Variants in NDUFA6 observed in about 807,000 individuals in gnomAD.
NDUFA6 encodes the protein NADH dehydrogenase [ubiquinone] 1 alpha subcomplex subunit 6.
NDUFA6 carries 10 observed loss-of-function variants against 12.5 expected under a neutral mutation model. That is an observed-to-expected ratio of 0.80 (90% confidence interval 0.49 to 1.35). The LOEUF is 1.35. NDUFA6 is among the 40% of genes most tolerant of loss of function. The pLI, the probability that NDUFA6 is intolerant of heterozygous loss-of-function variation, is 0.00. For synonymous variants in NDUFA6, 66 were observed against 63.0 expected, an observed-to-expected ratio of 1.05 and a Z score of -0.23; for missense variants, 177 against 173.5, an observed-to-expected ratio of 1.02 and a Z score of -0.11.
At chr22:42,086,945 A>G in intron 2 of NDUFA6, 115 bp downstream of exon 2, 1 of 790,810 alleles carries the variant, frequency 1.3e-6, no homozygotes, top group Non-Finnish European at 2.3e-6. Flanking sequence ...AGCAATAATC[A>G]CTGCCGAACC....
intron 1 of NDUFA6, 69 bp from the exon 2 acceptor site, chr22:42,087,244 C>A: frequency 8.8e-7 from 1 of 1,139,670 alleles, no homozygotes; most frequent in South Asian, 1.2e-5. Context: ...AAATGATACT[C>A]ATTGAACACA....
In NDUFA6 at chr22:42,086,272, G is replaced by A. The variant is rs1395973258; in HGVS notation, c.298C>T (p.Arg100Trp). The A allele has an allele frequency of 8.1e-6, 13 of 1,614,052 alleles. No homozygotes were observed. Among genetic ancestry groups the A allele is most frequent in the African/African-American group, 5.3e-5 (4 of 74,938 alleles). ...TGGAAGAACCGCATAACATGTGTCCGCTGCTTCCATACTTTAATTGTTTCT... is the reference window on the plus strand; with the variant it reads ...TGGAAGAACCGCATAACATGTGTCCACTGCTTCCATACTTTAATTGTTTCT... ...LEETIKVWKQ[R>W]THVMRFFHET... Residue 100 changes from arginine to tryptophan, a missense_variant, in exon 3 of 3, where the codon CGG (arginine) becomes TGG (tryptophan). Arg to Trp is a moderately radical substitution (Grantham distance 101, BLOSUM62 -3). Transcript: ENST00000498737.
Position 42,086,873 on chromosome 22 carries a change from T to C in NDUFA6, c.255+187A>G, listed in dbSNP as rs71329127. Among the ~76,000 whole-genome samples, 1,017 of 152,358 alleles carry C rather than the reference T, an allele frequency of 6.7e-3. 5 individuals carry two copies. Among genetic ancestry groups the C allele is most frequent in the Non-Finnish European group, 0.011 (750 of 68,036 alleles). On this transcript the variant is annotated intron_variant, in intron 2 of 2. Transcript: ENST00000498737. ...ATGCAAGTCCCAGTGGATGTTCCCT[T>C]GATGAATCTTATCTATTTAACCAGA...
intron 1 of NDUFA6, among the ~76,000 whole-genome samples, 171 bp downstream of exon 1, chr22:42,090,435 G>A (rs1928567431): frequency 6.6e-6 from 1 of 152,246 alleles, no homozygotes; most frequent in Non-Finnish European, 1.5e-5. Flanking sequence ...CCACCGCGCC[G>A]CCGCCAGGTC....
At chr22:42,089,828 T>G (rs1324565259) in intron 1 of NDUFA6, 1 of 152,232 alleles carries the variant, frequency 6.6e-6, no homozygotes, top group Admixed American at 6.6e-5. Flanking sequence ...AAGTCCGTGC[T>G]CCTAACCACC....
Position 42,086,332 on chromosome 22 carries a change from A to G in NDUFA6, c.256-18T>C, listed in dbSNP as rs774686540. 1.9e-6 allele frequency: 3 copies of G among 1,614,118 alleles called. No individual in the cohort carries two copies. The Admixed American group carries it at 5.0e-5, about 27-fold the overall frequency. ...ATCTTTCCCTGAACAGTGAGGAGAGAGGTCATCAGTCAAAGTTGTCAAGTT... is the reference window on the plus strand; with the variant it reads ...ATCTTTCCCTGAACAGTGAGGAGAGGGGTCATCAGTCAAAGTTGTCAAGTT... On this transcript the variant is annotated intron_variant, in intron 2 of 2. Transcript: ENST00000498737.
At chr22:42,088,915 T>C (rs533396527) in intron 1 of NDUFA6, among the ~76,000 whole-genome samples, 54 of 152,184 alleles carry the variant, frequency 3.5e-4, no homozygotes, top group African/African-American at 1.3e-3. Context: ...TGGCACAGGT[T>C]TGAGTAACTG....
rs1347327013 is a variant in NDUFA6, at chr22:42,085,933, C to T, written c.*250G>A. Reference sequence around the variant, plus strand: ...AATGTCACAATTTTTGAACAGATGGCCTCCTTCCTTCCTGTTTACTGACAT... The same window carrying T: ...AATGTCACAATTTTTGAACAGATGGTCTCCTTCCTTCCTGTTTACTGACAT... On this transcript the variant is annotated 3_prime_UTR_variant, in exon 3 of 3. Coordinates refer to ENST00000498737, the MANE Select transcript of NDUFA6 (RefSeq NM_002490.6). 4 of 583,174 alleles carry T rather than the reference C, an allele frequency of 6.9e-6. No individual in the cohort carries two copies. Among genetic ancestry groups the T allele is most frequent in the Non-Finnish European group, 9.1e-6 (3 of 329,136 alleles). The allele number at this position is 583,174 out of a possible 1,614,324, so 36.1% of individuals were successfully genotyped here.
chr22:42,090,741 C>T lies in NDUFA6; in HGVS notation c.4G>A (p.Ala2Thr). The change falls in exon 1 of 3, where the codon GCG becomes ACG. Residue 2 changes from alanine to threonine, a missense_variant. Physicochemically the swap from Ala to Thr is moderately conservative, Grantham distance 58. Transcript: ENST00000498737. M[A>T]GSGVRQATST... is the part of the protein sequence containing the mutation. ...GTAGCTTGGCGGACGCCGCTCCCCG[C>T]CATCTTGCCAAAGCATCCACTCCAC... The T allele has an allele frequency of 6.2e-7, 1 of 1,614,200 alleles. No individual in the cohort carries two copies. The highest frequency in any genetic ancestry group is 8.5e-7 in the Non-Finnish European group (1 of 1,180,038).
At chr22:42,086,786 T>C (rs1050825383) in intron 2 of NDUFA6, among the ~76,000 whole-genome samples, 1 of 152,208 alleles carries the variant, frequency 6.6e-6, no homozygotes, top group Non-Finnish European at 1.5e-5. Context: ...TGGTAACTTC[T>C]AGGGATGAGG....
At position 42,086,279 on chromosome 22, in the gene NDUFA6, CCATACTT is replaced by C; in HGVS notation, c.284_290del (p.Lys95ArgfsTer42). 1 of 1,614,192 alleles carries C rather than the reference CCATACTT, an allele frequency of 6.2e-7. No individual in the cohort carries two copies. The highest frequency in any genetic ancestry group is 8.5e-7 in the Non-Finnish European group (1 of 1,180,026). On this transcript the variant is annotated frameshift_variant, in exon 3 of 3. Transcript: ENST00000498737. LOFTEE classifies it high-confidence loss of function. The stretch of plus-strand genomic sequence containing the variant: ...ACCGCATAACATGTGTCCGCTGCTT[CCATACTT>C]TAATTGTTTCTTCCAGTTCGATCTT...
chr22:42,090,728 A>C lies in NDUFA6; in HGVS notation c.17T>G (p.Val6Gly), dbSNP rs371574739. The C allele has an allele frequency of 1.2e-6, 2 of 1,613,830 alleles. No individual in the cohort carries two copies. Among genetic ancestry groups the C allele is most frequent in the Non-Finnish European group, 1.7e-6 (2 of 1,180,002 alleles). ...GCTGGCGGTAGAAGTAGCTTGGCGGACGCCGCTCCCCGCCATCTTGCCAAA... is the reference window on the plus strand; with the variant it reads ...GCTGGCGGTAGAAGTAGCTTGGCGGCCGCCGCTCCCCGCCATCTTGCCAAA... MAGSGVRQATSTASTF... is the reference protein window; with the variant it reads MAGSGGRQATSTASTF... The change falls in exon 1 of 3, where the codon GTC becomes GGC. Residue 6 changes from valine to glycine, a missense_variant. Around this residue, in one of 3 missense-constraint regions of NDUFA6, gnomAD observed 111 missense variants for 87.2 expected, o/e 1.27. Coordinates refer to ENST00000498737, the MANE Select transcript of NDUFA6 (RefSeq NM_002490.6).
At position 42,085,848 on chromosome 22, in the gene NDUFA6, G is replaced by T; in HGVS notation, c.*335C>A. 1 of 411,028 alleles carries T rather than the reference G, an allele frequency of 2.4e-6. No individual in the cohort carries two copies. Among genetic ancestry groups the T allele is most frequent in the Non-Finnish European group, 4.5e-6 (1 of 219,902 alleles). 25.5% of individuals were successfully genotyped at this position (411,028 alleles called of 1,614,324 possible). ...AGATAATCTGTGCCCTGACACTGAA[G>T]TGTCTAATCATAGGGGCTATAGAAA... On this transcript the variant is annotated 3_prime_UTR_variant, in exon 3 of 3. Transcript: ENST00000498737.
In NDUFA6 at chr22:42,090,723, G is replaced by T; in HGVS notation, c.22C>A (p.Gln8Lys). 1 of 1,614,174 alleles carries T rather than the reference G, an allele frequency of 6.2e-7. No homozygotes were observed. The highest frequency in any genetic ancestry group is 1.3e-5 in the African/African-American group (1 of 75,066). Residue 8 changes from glutamine to lysine, a missense_variant, in exon 1 of 3, where the codon CAA becomes AAA. By Grantham distance (53) the Gln-to-Lys change is moderately conservative. Transcript: ENST00000498737. ...AAGGTGCTGGCGGTAGAAGTAGCTT[G>T]GCGGACGCCGCTCCCCGCCATCTTG... The part of the protein sequence containing the change: MAGSGVR[Q>K]ATSTASTFVK...
chr22:42,089,521 G>A (rs1178794171), intron 1 of NDUFA6: 1 of 152,098 alleles, frequency 6.6e-6, no homozygotes, highest in African/African-American at 2.4e-5. Context: ...TGAAGACAGG[G>A]ACTCTGTGGA....
In NDUFA6 at chr22:42,090,666, C is replaced by A; in HGVS notation, c.79G>T (p.Glu27Ter). 1 of 1,614,132 alleles carries A rather than the reference C, an allele frequency of 6.2e-7. No individual in the cohort carries two copies. The highest frequency in any genetic ancestry group is 2.2e-5 in the East Asian group (1 of 44,878). The stretch of plus-strand genomic sequence containing the variant: ...AGCTCGCGCACCCTCCGCTTGGCCT[C>A]GTTCATGTCCCGACTGAAAATGGGC... ...VKPIFSRDMN[E>*]AKRRVRELYR... The change falls in exon 1 of 3, where the codon GAG (glutamate) becomes TAG (stop). Residue 27 changes from glutamate (E) to a stop codon, truncating the protein, a stop_gained. Transcript: ENST00000498737. LOFTEE classifies it high-confidence loss of function.
chr22:42,086,305 C>A lies in NDUFA6; in HGVS notation c.265G>T (p.Glu89Ter), dbSNP rs758833609. ...VDLLVIKGKIELEETIKVWKQ... is the reference protein window; with the variant it reads ...VDLLVIKGKI ...CATACTTTAATTGTTTCTTCCAGTTCGATCTTTCCCTGAACAGTGAGGAGA... is the reference window on the plus strand; with the variant it reads ...CATACTTTAATTGTTTCTTCCAGTTAGATCTTTCCCTGAACAGTGAGGAGA... The change falls in exon 3 of 3, where the codon GAA becomes TAA. Residue 89 changes from glutamate to a stop codon, truncating the protein, a stop_gained. Coordinates refer to ENST00000498737, the MANE Select transcript of NDUFA6 (RefSeq NM_002490.6). LOFTEE classifies it high-confidence loss of function. 4 of 1,614,082 alleles carry A rather than the reference C, an allele frequency of 2.5e-6. No individual in the cohort carries two copies. The highest frequency in any genetic ancestry group is 3.4e-6 in the Non-Finnish European group (4 of 1,180,034).
intron 1 of NDUFA6, among the ~76,000 whole-genome samples, chr22:42,088,413 C>A (rs1381508764): frequency 4.5e-4 from 68 of 149,472 alleles, no homozygotes; most frequent in African/African-American, 1.5e-3. Flanking sequence ...GACTCCGTCT[C>A]AAAAAAAATA....
At chr22:42,087,467 C>G (rs547700863) in intron 1 of NDUFA6, 8 of 422,706 alleles carry the variant, frequency 1.9e-5, no homozygotes, top group Non-Finnish European at 3.1e-5. Flanking sequence ...TATATGATCC[C>G]GTGTAAGTTA....
Sources: allele counts gnomAD v4.1 joint callset (sites outside exome capture counted in the v4.1 genomes callset), GRCh38; gene constraint gnomAD v4.1.1; regional missense constraint gnomAD v4.1.1; transcripts MANE v1.5; gene names NCBI Gene and HGNC (gene_info 2026-07-23, HGNC 2026-07-21).